Variants in C14orf39 observed in about 807,000 individuals in gnomAD.
C14orf39 encodes chromosome 14 open reading frame 39, also known as protein SIX6OS1.
Under a neutral mutation model 85.6 loss-of-function variants are expected in C14orf39, and 66 were observed. That is an observed-to-expected ratio of 0.77 (90% CI 0.63 to 0.95). C14orf39 has a LOEUF of 0.95. Ranked by LOEUF, C14orf39 falls within the 40% of genes least tolerant of loss-of-function variation. The probability of loss-of-function intolerance (pLI) is 0.00; values close to 1 mark genes in which losing one functional copy is unlikely to be tolerated. For synonymous variants in C14orf39, 242 were observed against 214.0 expected (o/e 1.13, Z -1.14); for missense variants, 735 against 663.9 (o/e 1.11, Z -1.18).
At chr14:60,489,939 A>T (rs527973312), upstream of C14orf39, among the ~76,000 whole-genome samples, 2 of 152,316 alleles carry the variant, frequency 1.3e-5, no homozygotes, top group East Asian at 3.9e-4. Flanking sequence ...TTGTTCTAAG[A>T]TGACAATGAC....
Position 60,515,182 on chromosome 14 carries a change from C to G in C14orf39, c.-144+213G>C, listed in dbSNP as rs938342487. On this transcript the variant is annotated intron_variant, in intron 1 of 5. Transcript: ENST00000556799. The surrounding 1 kb of genome is among the most constrained non-coding windows in gnomAD (Gnocchi z 6.2). ...CGGGAAGGCAGCGGCGGGGAGGCCC[C>G]CTGGAGGCCTGCTGGGAAATGGCGG... 6.6e-6 allele frequency: 1 copy of G among 152,092 alleles called. No homozygotes were observed. Among genetic ancestry groups the G allele is most frequent in the East Asian group, 2.0e-4 (1 of 5,078 alleles). The allele number at this position is 152,092 out of a possible 1,614,324, so 9.4% of individuals were successfully genotyped here.
chr14:60,450,672 C>T (rs1404384007), intron 16 of C14orf39, among the ~76,000 whole-genome samples: 1 of 152,150 alleles, frequency 6.6e-6, no homozygotes, highest in Non-Finnish European at 1.5e-5. Flanking sequence ...GTGAACACAG[C>T]GGGTAGCCAG....
In C14orf39 at chr14:60,491,310, C is replaced by G. The variant is rs963977151; in HGVS notation, c.-8-6224G>C. Among the ~76,000 whole-genome samples the G allele has an allele frequency of 9.2e-5, 14 of 152,200 alleles. No individual in the cohort carries two copies. Among genetic ancestry groups the G allele is most frequent in the African/African-American group, 3.4e-4 (14 of 41,462 alleles). On this transcript the variant is annotated intron_variant, in intron 2 of 5. Coordinates refer to the C14orf39 transcript ENST00000556799. This position sits in a 1 kb window ranked among gnomAD's most constrained non-coding sequence, Gnocchi z 4.5. ...TGCTGTCCTCCGGAGAGGACAAATGCTATGTCCCAACATGGTGAAGAGGAC... is the reference window on the plus strand; with the variant it reads ...TGCTGTCCTCCGGAGAGGACAAATGGTATGTCCCAACATGGTGAAGAGGAC...
At chr14:60,475,282 C>T (rs1380174472) in intron 5 of C14orf39, among the ~76,000 whole-genome samples, 1 of 151,876 alleles carries the variant, frequency 6.6e-6, no homozygotes, top group Non-Finnish European at 1.5e-5. Flanking sequence ...CTATTTGATT[C>T]TTCTGTCTTT....
intron 4 of C14orf39, 133 bp from the exon 5 acceptor site, chr14:60,478,522 A>C (rs747756620): frequency 4.6e-5 from 22 of 477,964 alleles, no homozygotes; most frequent in Non-Finnish European, 8.1e-5. Context: ...GCTTACATCA[A>C]GAAAAGTATT....
intron 1 of C14orf39, chr14:60,509,739 G>T: frequency 6.2e-7 from 1 of 1,613,496 alleles, no homozygotes; most frequent in Non-Finnish European, 8.5e-7. Flanking sequence ...GACAAGTACC[G>T]AGTAAGGAAG....
chr14:60,460,668 T>A (rs1891480010), intron 13 of C14orf39, among the ~76,000 whole-genome samples: 1 of 151,870 alleles, frequency 6.6e-6, no homozygotes, highest in African/African-American at 2.4e-5. Flanking sequence ...AATATACATA[T>A]ACATACATGT....
chr14:60,506,387 A>T (rs1191832298), intron 1 of C14orf39, among the ~76,000 whole-genome samples: 1 of 152,266 alleles, frequency 6.6e-6, no homozygotes, highest in Non-Finnish European at 1.5e-5. Flanking sequence ...GCCAGCCCGA[A>T]GTCACAGCTT....
At chr14:60,486,524 A>T (rs996031669), upstream of C14orf39, among the ~76,000 whole-genome samples, 1 of 152,186 alleles carries the variant, frequency 6.6e-6, no homozygotes, top group Non-Finnish European at 1.5e-5. Flanking sequence ...TTTGAGACTG[A>T]CTCATTTGCT....
At chr14:60,437,288 A>G (rs1392046712) in intron 17 of C14orf39, among the ~76,000 whole-genome samples, 1 of 152,030 alleles carries the variant, frequency 6.6e-6, no homozygotes, top group Admixed American at 6.6e-5. Flanking sequence ...GTATATAAAG[A>G]ACTAGTATAA....
intron 2 of C14orf39, chr14:60,493,788 AAAAG>A (rs1440216357): frequency 6.6e-6 from 1 of 152,212 alleles, no homozygotes; most frequent in African/African-American, 2.4e-5. Flanking sequence ...AAAATGAAAA[AAAAG>A]AAAGAAAGCA....
chr14:60,448,266 A>G (rs1333605332), intron 16 of C14orf39, among the ~76,000 whole-genome samples: 1 of 152,214 alleles, frequency 6.6e-6, no homozygotes, highest in Non-Finnish European at 1.5e-5. Context: ...AACCTACAGA[A>G]TGGGAGAAAA....
At chr14:60,459,634 T>C (rs1891431012) in intron 13 of C14orf39, among the ~76,000 whole-genome samples, 2 of 151,778 alleles carry the variant, frequency 1.3e-5, no homozygotes, top group African/African-American at 4.8e-5. Context: ...TTGTCCTACA[T>C]TCTCCTACTT....
At chr14:60,509,852 T>C in intron 1 of C14orf39, 1 of 1,613,874 alleles carries the variant, frequency 6.2e-7, no homozygotes, top group Non-Finnish European at 8.5e-7. Flanking sequence ...GCAGGATCCA[T>C]ACCCTAACCC....
At chr14:60,504,398 C>T (rs947966519) in intron 1 of C14orf39, among the ~76,000 whole-genome samples, 4 of 152,104 alleles carry the variant, frequency 2.6e-5, no homozygotes, top group South Asian at 4.1e-4. Context: ...TTGGTGCATC[C>T]GAGAGGACAT....
At chr14:60,487,537 A>G (rs1892919180), upstream of C14orf39, among the ~76,000 whole-genome samples, 1 of 151,780 alleles carries the variant, frequency 6.6e-6, no homozygotes, top group Non-Finnish European at 1.5e-5. Context: ...TGACAAATGA[A>G]TGGATAGGTT....
intron 1 of C14orf39, chr14:60,511,437 T>A: frequency 7.2e-6 from 5 of 692,346 alleles, no homozygotes; most frequent in Non-Finnish European, 1.3e-5. Context: ...ACTGGCGCCC[T>A]TTGGCCGCGA....
chr14:60,487,492 C>CGTGTGT (rs1308228152), upstream of C14orf39, among the ~76,000 whole-genome samples: 93,447 of 150,108 alleles, frequency 0.62, 29,557 homozygotes, highest in Admixed American at 0.69. Context: ...AATAAAAGTC[C>CGTGTGT]GTGTGTGTGT....
intron 13 of C14orf39, among the ~76,000 whole-genome samples, chr14:60,460,695 A>C (rs1203447232): frequency 6.6e-6 from 1 of 151,852 alleles, no homozygotes; most frequent in Non-Finnish European, 1.5e-5. Flanking sequence ...ATGTGTGTGT[A>C]TATACATAGA....
Sources: allele counts gnomAD v4.1 joint callset (sites outside exome capture counted in the v4.1 genomes callset), GRCh38; gene constraint gnomAD v4.1.1; non-coding constraint Gnocchi (gnomAD v3.1); transcripts MANE v1.5; gene names NCBI Gene and HGNC (gene_info 2026-07-23, HGNC 2026-07-21).